The following EDNRB variants were observed in gnomAD, a reference collection of about 807,000 sequenced individuals.
EDNRB encodes endothelin receptor type B, also known as Hirschsprung disease 2.
EDNRB carries 18 observed loss-of-function variants against 46.4 expected under a neutral mutation model. The ratio of observed to expected loss-of-function variants is 0.39; its 90% CI spans 0.27 to 0.57. The LOEUF (loss-of-function observed/expected upper bound fraction) is 0.57. Ranked by LOEUF, EDNRB falls within the 20% of genes least tolerant of loss-of-function variation. EDNRB has a pLI of 0.61. For synonymous variants in EDNRB, 213 were observed against 204.9 expected, an observed-to-expected ratio of 1.04 and a Z score of -0.34; for missense variants, 434 against 537.5, an observed-to-expected ratio of 0.81 and a Z score of 1.90.
At chr13:77,972,529 G>A (rs1352211924) in intron 1 of EDNRB, among the ~76,000 whole-genome samples, 2 of 152,128 alleles carry the variant, frequency 1.3e-5, no homozygotes, top group Admixed American at 6.5e-5. Flanking sequence ...ATGTTGGGGG[G>A]CAAGACTCCT....
At chr13:77,964,739 G>T (rs142332584) in intron 1 of EDNRB, among the ~76,000 whole-genome samples, 2 of 151,988 alleles carry the variant, frequency 1.3e-5, no homozygotes, top group African/African-American at 4.8e-5. Flanking sequence ...TAACAAACTT[G>T]CACGTTGTGC....
chr13:77,940,022 A>G (rs929538425), intron 1 of EDNRB: 12 of 151,528 alleles, frequency 7.9e-5, no homozygotes, highest in African/African-American at 2.9e-4. Flanking sequence ...AAATAAATAA[A>G]TAAAATAAAA....
chr13:77,904,606 G>A (rs1466391563), intron 1 of EDNRB, among the ~76,000 whole-genome samples: 1 of 151,630 alleles, frequency 6.6e-6, no homozygotes, highest in Non-Finnish European at 1.5e-5. Context: ...CACATAGTAT[G>A]TTATATATAT....
At chr13:77,936,447 C>A (rs558209795) in intron 1 of EDNRB, among the ~76,000 whole-genome samples, 6 of 152,138 alleles carry the variant, frequency 3.9e-5, no homozygotes, top group Admixed American at 3.9e-4. Flanking sequence ...GGGAAACAGG[C>A]CCTTGAAAAG....
intron 1 of EDNRB, among the ~76,000 whole-genome samples, chr13:77,961,292 A>ATTGGT (rs1268094943): frequency 6.6e-6 from 1 of 152,180 alleles, no homozygotes. Flanking sequence ...GTCTGCACCA[A>ATTGGT]GCAGACCTAA....
At chr13:77,921,494 A>G (rs979971392), upstream of EDNRB, among the ~76,000 whole-genome samples, 4 of 152,168 alleles carry the variant, frequency 2.6e-5, no homozygotes, top group African/African-American at 9.7e-5. Context: ...TCAGTAATTC[A>G]CTTAAGGTCA....
At chr13:77,946,241 A>G (rs144839363) in intron 1 of EDNRB, among the ~76,000 whole-genome samples, 203 of 152,320 alleles carry the variant, frequency 1.3e-3, no homozygotes, top group African/African-American at 4.8e-3. Context: ...CTACACCTAT[A>G]TTCTATAGTA....
intron 1 of EDNRB, among the ~76,000 whole-genome samples, chr13:77,972,226 G>T (rs1390107541): frequency 6.6e-6 from 1 of 152,174 alleles, no homozygotes; most frequent in Non-Finnish European, 1.5e-5. Context: ...TGGTCAACTG[G>T]AGGACCACCT....
intron 4 of EDNRB, 117 bp downstream of exon 4, chr13:77,900,941 A>T (rs1214998257): frequency 7.9e-7 from 1 of 1,268,984 alleles, no homozygotes; most frequent in Non-Finnish European, 1.1e-6. Flanking sequence ...CAGAAACAAG[A>T]AAAAGGAAAT....
chr13:77,926,999 G>C (rs575121207), intron 1 of EDNRB, among the ~76,000 whole-genome samples: 27 of 152,310 alleles, frequency 1.8e-4, no homozygotes, highest in African/African-American at 5.8e-4. Flanking sequence ...CAGTATGGGG[G>C]AAACTGCCCC....
At chr13:77,928,808 G>A (rs936738132) in intron 1 of EDNRB, among the ~76,000 whole-genome samples, 5 of 152,140 alleles carry the variant, frequency 3.3e-5, no homozygotes, top group South Asian at 4.1e-4. Flanking sequence ...TCTTAGTGAC[G>A]TTTTCACCAA....
intron 1 of EDNRB, among the ~76,000 whole-genome samples, chr13:77,953,821 A>G (rs1881159796): frequency 6.6e-6 from 1 of 152,196 alleles, no homozygotes; most frequent in South Asian, 2.1e-4. Flanking sequence ...CAGGGAAAAT[A>G]AAATGGACAG....
chr13:77,946,598 A>G (rs964828169), intron 1 of EDNRB, among the ~76,000 whole-genome samples: 2 of 152,086 alleles, frequency 1.3e-5, no homozygotes, highest in Non-Finnish European at 2.9e-5. Flanking sequence ...AGTGATTTCA[A>G]CTCTATGTTG....
chr13:77,951,008 T>G (rs1304453279), intron 1 of EDNRB, among the ~76,000 whole-genome samples: 1 of 152,152 alleles, frequency 6.6e-6, no homozygotes, highest in Non-Finnish European at 1.5e-5. Flanking sequence ...CCAGCTACAT[T>G]AATGAGGGGA....
At chr13:77,912,649 T>G (rs570964995) in intron 1 of EDNRB, among the ~76,000 whole-genome samples, 1 of 152,250 alleles carries the variant, frequency 6.6e-6, no homozygotes, top group South Asian at 2.1e-4. Flanking sequence ...TCAGGGTATT[T>G]GCTGTATTGT....
At chr13:77,968,776 T>C (rs1359288948) in intron 1 of EDNRB, among the ~76,000 whole-genome samples, 1 of 152,174 alleles carries the variant, frequency 6.6e-6, no homozygotes, top group Non-Finnish European at 1.5e-5. Flanking sequence ...TTCTGCCTCC[T>C]GAGCTGGTTC....
chr13:77,931,744 CAAA>C (rs67176737), intron 1 of EDNRB, among the ~76,000 whole-genome samples: 1 of 83,448 alleles, frequency 1.2e-5, no homozygotes, highest in Non-Finnish European at 2.3e-5. Flanking sequence ...ACTGTAGTAG[CAAA>C]AAAAAAAAAA....
At chr13:77,927,395 T>C (rs1880267809) in intron 1 of EDNRB, among the ~76,000 whole-genome samples, 1 of 152,158 alleles carries the variant, frequency 6.6e-6, no homozygotes, top group African/African-American at 2.4e-5. Flanking sequence ...AGTTGACCCA[T>C]CTGGGGGTGT....
chr13:77,960,862 A>G (rs1421024511), intron 1 of EDNRB, among the ~76,000 whole-genome samples: 3 of 9,310 alleles, frequency 3.2e-4, no homozygotes, highest in Non-Finnish European at 1.6e-3. Flanking sequence ...AGCAAATGGA[A>G]AAAAAAAAAA....
Sources: gnomAD v4.1 joint callset for allele counts (sites outside exome capture counted in the v4.1 genomes callset) on GRCh38, gnomAD v4.1.1 for gene constraint, MANE v1.5 for transcripts, NCBI Gene and HGNC (gene_info 2026-07-23, HGNC 2026-07-21) for gene names.